Variants in TEX14 observed in about 807,000 individuals in gnomAD.
TEX14 encodes inactive serine/threonine-protein kinase TEX14.
A neutral mutation model predicts 178.6 loss-of-function variants in TEX14; 168 were observed. That is an observed-to-expected ratio of 0.94 (90% CI 0.83 to 1.07). The LOEUF is 1.07. Among genes scored for constraint, TEX14 ranks in the 50% least tolerant of loss-of-function variants. The probability of loss-of-function intolerance (pLI) is 0.00; values close to 1 mark genes in which losing one functional copy is unlikely to be tolerated. For missense variants in TEX14, 1,730 were observed against 1,753.6 expected, an observed-to-expected ratio of 0.99 and a Z score of 0.24; for synonymous variants, 626 against 634.1, an observed-to-expected ratio of 0.99 and a Z score of 0.19.
chr17:58,563,643 ATATATATATAT>A, intron 28 of TEX14, among the ~76,000 whole-genome samples: 1 of 35,638 alleles, frequency 2.8e-5, no homozygotes, highest in Non-Finnish European at 4.8e-5. Context: ...ATATATATAT[ATATATATATAT>A]ATATAGAGAG....
At chr17:58,581,190 A>C (rs1031736448) in intron 19 of TEX14, among the ~76,000 whole-genome samples, 1 of 152,112 alleles carries the variant, frequency 6.6e-6, no homozygotes, top group Non-Finnish European at 1.5e-5. Flanking sequence ...ACACGCCTGT[A>C]ATTCCAGCTA....
At chr17:58,610,478 A>G (rs2045717495) in intron 10 of TEX14, among the ~76,000 whole-genome samples, 1 of 152,170 alleles carries the variant, frequency 6.6e-6, no homozygotes, top group Admixed American at 6.5e-5. Flanking sequence ...GCAGTGGGGG[A>G]TCAAGGCCTG....
At chr17:58,568,481 C>T (rs1220151267) in intron 26 of TEX14, among the ~76,000 whole-genome samples, 1 of 152,194 alleles carries the variant, frequency 6.6e-6, no homozygotes, top group East Asian at 1.9e-4. Context: ...ATAACAAGAA[C>T]TGGACTATCC....
chr17:58,640,698 G>A (rs11867171), intron 2 of TEX14, among the ~76,000 whole-genome samples: 11 of 150,852 alleles, frequency 7.3e-5, no homozygotes, highest in Non-Finnish European at 1.0e-4. Context: ...TTATAACATT[G>A]TTGAAACAGA....
chr17:58,631,342 C>T (rs1195855048), intron 2 of TEX14: 1 of 152,686 alleles, frequency 6.5e-6, no homozygotes, highest in Admixed American at 6.6e-5. Context: ...ACCTATAGTC[C>T]CAGCTACTTG....
chr17:58,690,376 G>A (rs1242208210), intron 1 of TEX14, among the ~76,000 whole-genome samples: 1 of 152,156 alleles, frequency 6.6e-6, no homozygotes, highest in Non-Finnish European at 1.5e-5. Flanking sequence ...CTGTTGCCCA[G>A]GCTGGTCTCA....
intron 8 of TEX14, among the ~76,000 whole-genome samples, chr17:58,614,871 C>T (rs1055980332): frequency 6.6e-5 from 10 of 152,220 alleles, no homozygotes; most frequent in Non-Finnish European, 1.5e-4. Flanking sequence ...TCTATGAAAA[C>T]AGGATAGCCA....
intron 21 of TEX14, among the ~76,000 whole-genome samples, chr17:58,576,559 C>T (rs1479943478): frequency 1.3e-5 from 2 of 152,170 alleles, no homozygotes; most frequent in African/African-American, 2.4e-5. Flanking sequence ...GTGGTAACAT[C>T]TTGCAAATCT....
At chr17:58,604,462 C>T (rs2045556705) in intron 11 of TEX14, among the ~76,000 whole-genome samples, 1 of 150,816 alleles carries the variant, frequency 6.6e-6, no homozygotes, top group Admixed American at 6.6e-5. Flanking sequence ...CAGAGCAAGA[C>T]TCTGTCTCAA....
In TEX14 at chr17:58,602,572, C is replaced by T. The variant is rs201444319; in HGVS notation, c.1355G>A (p.Gly452Asp). 6.8e-4 allele frequency: 1,097 copies of T among 1,613,430 alleles called. 3 individuals carry two copies. Among genetic ancestry groups the T allele is most frequent in the Non-Finnish European group, 3.5e-4 (409 of 1,179,840 alleles). ...EILTDDIPWK[G>D]LDGSVVKKAV... is the part of the protein sequence containing the mutation. ...TTTTTTAACAACTGAGCCATCTAAGCCCTTCCAGGGTATGTCATCTGTAAG... is the reference window on the plus strand; with the variant it reads ...TTTTTTAACAACTGAGCCATCTAAGTCCTTCCAGGGTATGTCATCTGTAAG... The change falls in exon 12 of 32, where the codon GGC (glycine) becomes GAC (aspartate). Residue 452 changes from glycine (G) to aspartate (D), a missense_variant. By Grantham distance (94) the Gly-to-Asp change is moderately conservative. Coordinates refer to ENST00000349033, the MANE Select transcript of TEX14 (RefSeq NM_031272.5).
chr17:58,595,866 A>C (rs2045266074), intron 14 of TEX14, among the ~76,000 whole-genome samples: 1 of 152,262 alleles, frequency 6.6e-6, no homozygotes, highest in Non-Finnish European at 1.5e-5. Flanking sequence ...GCTACGCAGC[A>C]ATAGATAACA....
rs368535298 is a variant in TEX14 at position 58,579,774 on chromosome 17, G to A, written c.3172-43C>T. 1.2e-3 allele frequency: 1,702 copies of A among 1,451,048 alleles called. 20 individuals carry two copies. The South Asian group carries it at 0.018, about 16-fold the overall frequency. 89.9% of individuals were successfully genotyped at this position (1,451,048 alleles called of 1,614,324 possible). A position where few individuals can be genotyped will look rare whatever the true frequency, so the allele number is the denominator to read the frequency against. On this transcript the variant is annotated intron_variant, in intron 19 of 31. Transcript: ENST00000349033. Reference sequence around the variant, plus strand: ...AAAAGCAAAGAAAGGAGGTTCACTGGAGGCAGACATATTAAAAGGTCAATA... The same window carrying A: ...AAAAGCAAAGAAAGGAGGTTCACTGAAGGCAGACATATTAAAAGGTCAATA...
At chr17:58,683,881 A>G (rs2047544938) in intron 1 of TEX14, among the ~76,000 whole-genome samples, 4 of 151,660 alleles carry the variant, frequency 2.6e-5, no homozygotes, top group African/African-American at 4.8e-5. Context: ...CCTGGCCAAC[A>G]TGATGAAACC....
At chr17:58,685,467 A>C (rs1025779008) in intron 1 of TEX14, among the ~76,000 whole-genome samples, 3 of 151,704 alleles carry the variant, frequency 2.0e-5, no homozygotes, top group African/African-American at 7.3e-5. Flanking sequence ...CAGATTTGAC[A>C]GATAAATAGT....
At chr17:58,659,267 A>T in intron 1 of TEX14, 1 of 846,478 alleles carries the variant, frequency 1.2e-6, no homozygotes, top group Non-Finnish European at 1.4e-6. Flanking sequence ...AAAACACTTT[A>T]TCAGGACCAA....
intron 5 of TEX14, among the ~76,000 whole-genome samples, chr17:58,621,211 T>C (rs2045990377): frequency 6.6e-6 from 1 of 152,130 alleles, no homozygotes; most frequent in South Asian, 2.1e-4. Context: ...GCAGCAAGTC[T>C]CTCGTATCAG....
chr17:58,667,929 T>C (rs1382125536), intron 1 of TEX14, among the ~76,000 whole-genome samples: 1 of 152,084 alleles, frequency 6.6e-6, no homozygotes, highest in Non-Finnish European at 1.5e-5. Flanking sequence ...TCTTGTTTGC[T>C]TGGCCAAACC....
intron 10 of TEX14, among the ~76,000 whole-genome samples, chr17:58,609,138 C>T (rs1401001383): frequency 6.6e-6 from 1 of 152,166 alleles, no homozygotes; most frequent in Non-Finnish European, 1.5e-5. Flanking sequence ...GAGACAGAGT[C>T]TCGCTCTGTC....
Position 58,569,393 on chromosome 17 carries a change from C to A in TEX14, c.3818-133G>T, listed in dbSNP as rs1039936859. On this transcript the variant is annotated intron_variant, in intron 25 of 31. Coordinates refer to ENST00000349033, the MANE Select transcript of TEX14 (RefSeq NM_031272.5). The surrounding 1 kb of genome is among the most constrained non-coding windows in gnomAD (Gnocchi z 4.1). ...TGAAACAAACTAAGGAGGAAGGAAG[C>A]CTCTTACATAATAGTTCCAGTAGAG... 3.0e-6 allele frequency: 2 copies of A among 672,046 alleles called. No homozygotes were observed. The highest frequency in any genetic ancestry group is 5.2e-6 in the Non-Finnish European group (2 of 386,130). The allele number at this position is 672,046 out of a possible 1,614,324, so 41.6% of individuals were successfully genotyped here.
Sources: gnomAD v4.1 joint callset for allele counts (sites outside exome capture counted in the v4.1 genomes callset) on GRCh38, gnomAD v4.1.1 for gene constraint, Gnocchi (gnomAD v3.1) non-coding constraint, MANE v1.5 for transcripts, NCBI Gene and HGNC (gene_info 2026-07-23, HGNC 2026-07-21) for gene names.